Variants in KIF3B observed in about 807,000 individuals in gnomAD.
KIF3B encodes kinesin-like protein KIF3B.
In KIF3B, 38 loss-of-function variants were observed where a neutral mutation model predicts 74.3. That is an observed-to-expected ratio of 0.51 (90% CI 0.39 to 0.67). The LOEUF is 0.67. Ranked by LOEUF, KIF3B falls within the 30% of genes least tolerant of loss-of-function variation. The pLI is 0.00. For synonymous variants in KIF3B, 326 were observed against 342.5 expected (o/e 0.95, Z 0.53); for missense variants, 649 against 932.0 (o/e 0.70, Z 3.95).
intron 1 of KIF3B, among the ~76,000 whole-genome samples, chr20:32,298,520 T>A (rs868796093): frequency 1.3e-5 from 2 of 152,168 alleles, no homozygotes; most frequent in Admixed American, 6.5e-5. Flanking sequence ...AACCTTCCTG[T>A]TTTTGTTTTT....
At chr20:32,295,808 T>G (rs1203084358) in intron 1 of KIF3B, among the ~76,000 whole-genome samples, 2 of 151,478 alleles carry the variant, frequency 1.3e-5, no homozygotes, top group Non-Finnish European at 2.9e-5. Flanking sequence ...CGAATTTAGG[T>G]CTCCTAGTAG....
chr20:32,328,526 A>T (rs1385146390), intron 7 of KIF3B, among the ~76,000 whole-genome samples: 8 of 151,670 alleles, frequency 5.3e-5, no homozygotes, highest in South Asian at 4.2e-4. Flanking sequence ...GAATCGCTTG[A>T]ACCCAGGAGG....
intron 1 of KIF3B, among the ~76,000 whole-genome samples, chr20:32,281,103 G>A (rs1359863437): frequency 2.0e-5 from 3 of 152,156 alleles, no homozygotes; most frequent in Admixed American, 2.0e-4. Flanking sequence ...ACAGAGAGTA[G>A]CAATACTTGA....
chr20:32,300,243 C>T (rs1032463976), intron 1 of KIF3B, among the ~76,000 whole-genome samples: 1 of 152,164 alleles, frequency 6.6e-6, no homozygotes, highest in East Asian at 1.9e-4. Flanking sequence ...GCTGGGACTA[C>T]AGGTATATTC....
chr20:32,284,401 T>G (rs2122654038), intron 1 of KIF3B, among the ~76,000 whole-genome samples: 1 of 152,224 alleles, frequency 6.6e-6, no homozygotes, highest in East Asian at 1.9e-4. Flanking sequence ...TCAGTAATAT[T>G]GAGCATTTTC....
intron 1 of KIF3B, among the ~76,000 whole-genome samples, chr20:32,304,023 A>T (rs1300608574): frequency 6.6e-6 from 1 of 152,114 alleles, no homozygotes; most frequent in Non-Finnish European, 1.5e-5. Flanking sequence ...AAGTACTTCC[A>T]CCCTTATAAG....
chr20:32,333,683 C>T lies in KIF3B; in HGVS notation c.*2364C>T, dbSNP rs1354919613. On this transcript the variant is annotated 3_prime_UTR_variant, in exon 9 of 9. Coordinates refer to ENST00000375712, the MANE Select transcript of KIF3B (RefSeq NM_004798.4). ...ACAGAAAGAAAGAAAAAGAAAACTG[C>T]AGATAACCCTATACATTAATACTGG... is the stretch of plus-strand genomic sequence containing the variant. The T allele has an allele frequency of 6.9e-6, 1 of 144,486 alleles. No homozygotes were observed. Among genetic ancestry groups the T allele is most frequent in the Non-Finnish European group, 1.5e-5 (1 of 66,724 alleles). 9.0% of individuals were successfully genotyped at this position (144,486 alleles called of 1,614,324 possible).
At chr20:32,328,355 T>C (rs7273804) in intron 7 of KIF3B, among the ~76,000 whole-genome samples, 51,989 of 144,932 alleles carry the variant, frequency 0.36, 10,176 homozygotes, top group East Asian at 0.75. Flanking sequence ...ACCCAGCGGG[T>C]GGAGCTTGCA....
chr20:32,319,627 C>T (rs2047848781), intron 5 of KIF3B, among the ~76,000 whole-genome samples: 2 of 130,994 alleles, frequency 1.5e-5, no homozygotes, highest in Non-Finnish European at 3.1e-5. Flanking sequence ...GCTCTGTCAT[C>T]CAGGCTGGAA....
intron 5 of KIF3B, among the ~76,000 whole-genome samples, chr20:32,325,767 A>ACACTTGAACCC (rs1408265889): frequency 4.9e-5 from 7 of 141,502 alleles, no homozygotes; most frequent in Non-Finnish European, 9.0e-5. Context: ...CTCTGGGTTC[A>ACACTTGAACCC]AGTGATTCTC....
chr20:32,281,096 G>C (rs2047641016), intron 1 of KIF3B, among the ~76,000 whole-genome samples: 1 of 152,168 alleles, frequency 6.6e-6, no homozygotes, highest in Non-Finnish European at 1.5e-5. Flanking sequence ...TTATGTAACA[G>C]AGAGTAGCAA....
At chr20:32,304,322 TC>T (rs1476052565) in intron 1 of KIF3B, among the ~76,000 whole-genome samples, 4 of 152,198 alleles carry the variant, frequency 2.6e-5, no homozygotes, top group South Asian at 2.1e-4. Context: ...CTTCACCTTC[TC>T]CCACCATGGG....
Position 32,326,782 on chromosome 20 carries a change from T to C in KIF3B, c.1760T>C (p.Ile587Thr). 2.2e-6 allele frequency: 3 copies of C among 1,360,572 alleles called. No homozygotes were observed. The East Asian group carries it at 6.9e-5, about 31-fold the overall frequency. The allele number at this position is 1,360,572 out of a possible 1,614,324, so 84.3% of individuals were successfully genotyped here. A position where few individuals can be genotyped will look rare whatever the true frequency, so the allele number is the denominator to read the frequency against. The change falls in exon 6 of 9, where the codon ATA becomes ACA. Residue 587 changes from isoleucine (I) to threonine (T), a missense_variant. Coordinates refer to ENST00000375712, the MANE Select transcript of KIF3B (RefSeq NM_004798.4). The part of the protein sequence containing the change: ...TRELKLKHLI[I>T]ENFIPLEEKS... ...GTGTGCTCTTACAGGCATCTTATTA[T>C]AGAAAACTTTATCCCTCTGGAAGAA...
In KIF3B at chr20:32,321,145, C is replaced by T. The variant is rs566496731; in HGVS notation, c.1748+4271C>T. Among the ~76,000 whole-genome samples the T allele has an allele frequency of 2.0e-5, 3 of 152,078 alleles. No individual in the cohort carries two copies. The East Asian group carries it at 5.8e-4, about 29-fold the overall frequency. On this transcript the variant is annotated intron_variant, in intron 5 of 8. Transcript: ENST00000375712. ...TTGTCTTGGCATACTTATTGAAAGT[C>T]AGGGCCGGGCGCTGTGGCTCATGCC... is the stretch of plus-strand genomic sequence containing the variant.
chr20:32,312,009 G>T (rs1321791811), intron 2 of KIF3B, among the ~76,000 whole-genome samples: 4 of 151,740 alleles, frequency 2.6e-5, no homozygotes, highest in African/African-American at 7.3e-5. Context: ...CACTATGTTG[G>T]CCTGGCTGGT....
intron 1 of KIF3B, among the ~76,000 whole-genome samples, chr20:32,287,437 T>A (rs2122657048): frequency 6.6e-6 from 1 of 152,214 alleles, no homozygotes; most frequent in East Asian, 1.9e-4. Flanking sequence ...TCCTTCCACC[T>A]CAGCTTCCTA....
chr20:32,302,926 G>T (rs1252104268), intron 1 of KIF3B, among the ~76,000 whole-genome samples: 1 of 152,144 alleles, frequency 6.6e-6, no homozygotes, highest in Non-Finnish European at 1.5e-5. Flanking sequence ...CCAACCCGCG[G>T]CCCAGGATGG....
chr20:32,291,220 C>T (rs1015974419), intron 1 of KIF3B, among the ~76,000 whole-genome samples: 2 of 152,078 alleles, frequency 1.3e-5, no homozygotes, highest in South Asian at 2.1e-4. Flanking sequence ...GAACTATACA[C>T]TTAAAATGAT....
chr20:32,323,619 C>G (rs1044714256), intron 5 of KIF3B, among the ~76,000 whole-genome samples: 5 of 152,068 alleles, frequency 3.3e-5, no homozygotes, highest in African/African-American at 7.2e-5. Context: ...TGGCTCGTAC[C>G]TGTAATCCCA....
Sources: allele counts gnomAD v4.1 joint callset (sites outside exome capture counted in the v4.1 genomes callset), GRCh38; gene constraint gnomAD v4.1.1; transcripts MANE v1.5; gene names NCBI Gene and HGNC (gene_info 2026-07-23, HGNC 2026-07-21).